Variants in LRRFIP2 observed in about 807,000 individuals in gnomAD.
LRRFIP2 encodes the protein LRR binding FLII interacting protein 2.
In LRRFIP2, 109 loss-of-function variants were observed where a neutral mutation model predicts 125.9. The ratio of observed to expected loss-of-function variants is 0.87; its 90% CI spans 0.74 to 1.01. The LOEUF is 1.01. LRRFIP2 is among the 50% of genes least tolerant of loss of function. The probability of loss-of-function intolerance (pLI) is 0.00; values close to 1 mark genes in which losing one functional copy is unlikely to be tolerated. For synonymous variants in LRRFIP2, 291 were observed against 293.1 expected (o/e 0.99, Z 0.07); for missense variants, 850 against 862.3 (o/e 0.99, Z 0.18).
At chr3:37,103,301 T>C (rs76582773) in intron 14 of LRRFIP2, among the ~76,000 whole-genome samples, 3,253 of 152,242 alleles carry the variant, frequency 0.021, 115 homozygotes, top group African/African-American at 0.074. Flanking sequence ...CTCTCATGTT[T>C]AAGATATTTA....
intron 2 of LRRFIP2, among the ~76,000 whole-genome samples, chr3:37,142,591 T>C (rs2095739650): frequency 6.6e-6 from 1 of 152,004 alleles, no homozygotes; most frequent in Admixed American, 6.5e-5. Flanking sequence ...ATGTCTACAG[T>C]GAAAGACTTT....
At chr3:37,123,441 G>T (rs559623551) in intron 4 of LRRFIP2, among the ~76,000 whole-genome samples, 10 of 152,194 alleles carry the variant, frequency 6.6e-5, no homozygotes, top group Admixed American at 6.5e-4. Context: ...TGCCCGCCTC[G>T]GCCTTCCAAA....
At chr3:37,098,511 C>G (rs988632396) in intron 15 of LRRFIP2, among the ~76,000 whole-genome samples, 1 of 151,860 alleles carries the variant, frequency 6.6e-6, no homozygotes, top group Admixed American at 6.6e-5. Flanking sequence ...GCCTCAGCCT[C>G]CTAAGTAACT....
At chr3:37,100,359 T>C (rs1488526793) in intron 15 of LRRFIP2, among the ~76,000 whole-genome samples, 1 of 145,354 alleles carries the variant, frequency 6.9e-6, no homozygotes, top group Non-Finnish European at 1.5e-5. Flanking sequence ...CGTATATATA[T>C]ACACATACAT....
At chr3:37,098,663 G>A (rs1310895559) in intron 15 of LRRFIP2, among the ~76,000 whole-genome samples, 1 of 152,026 alleles carries the variant, frequency 6.6e-6, no homozygotes, top group Non-Finnish European at 1.5e-5. Flanking sequence ...AAAGTGCTGG[G>A]ATTACAGGCA....
At chr3:37,088,238 A>G (rs1431880080) in intron 18 of LRRFIP2, among the ~76,000 whole-genome samples, 1 of 152,292 alleles carries the variant, frequency 6.6e-6, no homozygotes, top group East Asian at 1.9e-4. Flanking sequence ...GTCACTTCAT[A>G]CATCAGTCAA....
chr3:37,144,815 A>G (rs1423446975), intron 2 of LRRFIP2, among the ~76,000 whole-genome samples: 2 of 152,242 alleles, frequency 1.3e-5, no homozygotes, highest in Non-Finnish European at 2.9e-5. Flanking sequence ...TGCAACTGGC[A>G]TGGACAAAAG....
Position 37,109,700 on chromosome 3 carries a change from A to G in LRRFIP2, c.517T>C (p.Ser173Pro). The change falls in exon 10 of 28, where the codon TCT becomes CCT. Residue 173 changes from serine to proline, a missense_variant. Coordinates refer to ENST00000336686, the MANE Select transcript of LRRFIP2 (RefSeq NM_006309.4). ...AGAGGGTCACTGTACAGGGAAGAAG[A>G]CTGCTAAGAGACAAAAACAAAATAA... ...KPTSAYYTRQ[S>P]SSLYSDPLAT... The G allele has an allele frequency of 6.2e-7, 1 of 1,613,960 alleles. No homozygotes were observed. The highest frequency in any genetic ancestry group is 8.5e-7 in the Non-Finnish European group (1 of 1,179,888).
intron 21 of LRRFIP2, chr3:37,067,246 A>C (rs1220629434): frequency 2.6e-5 from 4 of 152,204 alleles, no homozygotes; most frequent in Non-Finnish European, 5.9e-5. Flanking sequence ...CATTTCCTTA[A>C]TCTCACAACT....
At chr3:37,103,661 G>C (rs1469691635) in intron 14 of LRRFIP2, among the ~76,000 whole-genome samples, 1 of 152,094 alleles carries the variant, frequency 6.6e-6, no homozygotes, top group South Asian at 2.1e-4. Flanking sequence ...TCAGCTCAAA[G>C]GTCAGTTTCT....
intron 2 of LRRFIP2, among the ~76,000 whole-genome samples, chr3:37,137,130 A>G (rs988699927): frequency 6.6e-6 from 1 of 151,928 alleles, no homozygotes; most frequent in Non-Finnish European, 1.5e-5. Flanking sequence ...CACCACATCC[A>G]AACAATTTTT....
At chr3:37,086,006 A>G (rs2093020881) in intron 18 of LRRFIP2, among the ~76,000 whole-genome samples, 1 of 152,238 alleles carries the variant, frequency 6.6e-6, no homozygotes. Flanking sequence ...ATAATATATA[A>G]ACAACTCTTA....
At chr3:37,076,620 A>T (rs939605963) in intron 19 of LRRFIP2, among the ~76,000 whole-genome samples, 2 of 152,150 alleles carry the variant, frequency 1.3e-5, no homozygotes, top group African/African-American at 4.8e-5. Context: ...TAATCCCAGC[A>T]CTTTGGGAGG....
chr3:37,162,782 C>T (rs1032166861), intron 1 of LRRFIP2, among the ~76,000 whole-genome samples: 2 of 152,176 alleles, frequency 1.3e-5, no homozygotes, highest in African/African-American at 4.8e-5. Flanking sequence ...GAAGGACTGT[C>T]ATTACCAAAA....
intron 13 of LRRFIP2, among the ~76,000 whole-genome samples, chr3:37,106,523 A>G (rs915363061): frequency 6.6e-6 from 1 of 152,208 alleles, no homozygotes; most frequent in Admixed American, 6.5e-5. Context: ...GACTGAAAAT[A>G]TAAGCTGGGT....
intron 24 of LRRFIP2, 91 bp from the exon 25 acceptor site, chr3:37,059,001 C>T: frequency 6.6e-7 from 1 of 1,516,448 alleles, no homozygotes; most frequent in Non-Finnish European, 9.0e-7. Flanking sequence ...ACAAAGCAGA[C>T]CCTTATCGTA....
chr3:37,094,941 A>T (rs1422677549), intron 16 of LRRFIP2, 33 bp from the exon 17 acceptor site: 1 of 1,322,734 alleles, frequency 7.6e-7, no homozygotes, highest in Non-Finnish European at 1.1e-6. Flanking sequence ...TCTAAGTCTC[A>T]TTTCTTTAAA....
chr3:37,110,534 G>A (rs2149426100), intron 9 of LRRFIP2, among the ~76,000 whole-genome samples: 1 of 152,128 alleles, frequency 6.6e-6, no homozygotes, highest in African/African-American at 2.4e-5. Flanking sequence ...TTCTTCTCAT[G>A]CCACGTGTTT....
At chr3:37,102,412 A>G (rs1360394879) in intron 15 of LRRFIP2, among the ~76,000 whole-genome samples, 3 of 152,154 alleles carry the variant, frequency 2.0e-5, no homozygotes, top group Non-Finnish European at 4.4e-5. Context: ...CAGAGGGGGA[A>G]AAAGTTTTTT....
Sources: gnomAD v4.1 joint callset for allele counts (sites outside exome capture counted in the v4.1 genomes callset) on GRCh38, gnomAD v4.1.1 for gene constraint, MANE v1.5 for transcripts, NCBI Gene and HGNC (gene_info 2026-07-23, HGNC 2026-07-21) for gene names.